Variants in MTSS1 observed in about 807,000 individuals in gnomAD.
MTSS1 encodes the protein protein MTSS 1.
MTSS1 carries 18 observed loss-of-function variants against 79.0 expected under a neutral mutation model. The ratio of observed to expected loss-of-function variants is 0.23; its 90% CI spans 0.16 to 0.34. The LOEUF (loss-of-function observed/expected upper bound fraction) is 0.34, where lower values mean the gene tolerates loss of function less well. MTSS1 is among the 10% of genes least tolerant of loss of function. The pLI, the probability that MTSS1 is intolerant of heterozygous loss-of-function variation, is 1.00. For missense variants in MTSS1, 815 were observed against 986.2 expected, an observed-to-expected ratio of 0.83 and a Z score of 2.33; for synonymous variants, 341 against 368.6, an observed-to-expected ratio of 0.93 and a Z score of 0.86.
At chr8:124,693,430 A>G (rs1828279587) in intron 3 of MTSS1, among the ~76,000 whole-genome samples, 1 of 152,178 alleles carries the variant, frequency 6.6e-6, no homozygotes, top group Non-Finnish European at 1.5e-5. Context: ...TCTGTCCCTT[A>G]AAGTGAACTT....
rs1244000809 is a variant in MTSS1 at position 124,649,208 on chromosome 8, C to T, written c.208+50318G>A. On this transcript the variant is annotated intron_variant, in intron 3 of 13. Transcript: ENST00000518547. The stretch of plus-strand genomic sequence containing the variant: ...TCTGTTTATCTATTATCTAGGGCTG[C>T]TTTTGCTCTACAATGGGAGTGTTGA... Among the ~76,000 whole-genome samples the T allele has an allele frequency of 3.3e-5, 5 of 152,232 alleles. No individual in the cohort carries two copies. In the East Asian group the frequency reaches 7.7e-4, roughly 23 times the overall value.
At chr8:124,695,089 T>C (rs1828577573) in intron 3 of MTSS1, among the ~76,000 whole-genome samples, 1 of 152,208 alleles carries the variant, frequency 6.6e-6, no homozygotes, top group African/African-American at 2.4e-5. Context: ...AACAACTAGA[T>C]TGATTTTGCT....
At chr8:124,703,446 C>G (rs1829982412) in intron 2 of MTSS1, among the ~76,000 whole-genome samples, 1 of 152,192 alleles carries the variant, frequency 6.6e-6, no homozygotes, top group Non-Finnish European at 1.5e-5. Context: ...GCACTCGTCA[C>G]CATGCCCAGC....
At chr8:124,602,821 T>C (rs1834164004) in intron 3 of MTSS1, among the ~76,000 whole-genome samples, 1 of 152,186 alleles carries the variant, frequency 6.6e-6, no homozygotes, top group South Asian at 2.1e-4. Context: ...GAAAGGACAG[T>C]GTTCCTGTAG....
chr8:124,649,738 G>A (rs181660940), intron 3 of MTSS1, among the ~76,000 whole-genome samples: 3 of 152,178 alleles, frequency 2.0e-5, no homozygotes, highest in South Asian at 2.1e-4. Context: ...GACTCAGCAC[G>A]ACAACCAAAA....
chr8:124,587,264 G>A (rs1344624615), intron 5 of MTSS1, among the ~76,000 whole-genome samples: 1 of 152,132 alleles, frequency 6.6e-6, no homozygotes, highest in East Asian at 1.9e-4. Flanking sequence ...AATGAGCCAA[G>A]TCAGCCAACA....
At chr8:124,583,789 C>T (rs548498636) in intron 6 of MTSS1, among the ~76,000 whole-genome samples, 5 of 152,338 alleles carry the variant, frequency 3.3e-5, no homozygotes, top group African/African-American at 1.2e-4. Flanking sequence ...CCAGCCTGCT[C>T]TCTTCCGGGC....
At chr8:124,722,407 A>C (rs73345901) in intron 1 of MTSS1, among the ~76,000 whole-genome samples, 200 of 152,280 alleles carry the variant, frequency 1.3e-3, no homozygotes, top group African/African-American at 4.6e-3. Flanking sequence ...AGGTGTTGAG[A>C]CGGGGACTGC....
At chr8:124,643,029 G>A (rs1038702079) in intron 3 of MTSS1, among the ~76,000 whole-genome samples, 1 of 152,166 alleles carries the variant, frequency 6.6e-6, no homozygotes, top group Non-Finnish European at 1.5e-5. Flanking sequence ...TCAATCCATG[G>A]TAGCTGCTAT....
chr8:124,577,570 T>C (rs199914413), intron 6 of MTSS1: 4 of 518,848 alleles, frequency 7.7e-6, no homozygotes, highest in Non-Finnish European at 1.5e-5. Flanking sequence ...TTCAGACATC[T>C]ATGGATTCAG....
intron 7 of MTSS1, chr8:124,567,839 A>G (rs2132079401): frequency 6.7e-7 from 1 of 1,493,640 alleles, no homozygotes. Flanking sequence ...CCTTCGAATC[A>G]GCTTCCAGAA....
chr8:124,608,557 G>A (rs952352900), intron 3 of MTSS1, among the ~76,000 whole-genome samples: 3 of 152,222 alleles, frequency 2.0e-5, no homozygotes, highest in East Asian at 3.8e-4. Context: ...CAGTGGGCCT[G>A]AGTGTTCCTT....
intron 1 of MTSS1, among the ~76,000 whole-genome samples, chr8:124,723,248 T>G (rs1314711635): frequency 1.3e-5 from 2 of 152,226 alleles, no homozygotes; most frequent in Non-Finnish European, 2.9e-5. Flanking sequence ...GAAATCATTA[T>G]GCCACGTTTG....
intron 3 of MTSS1, among the ~76,000 whole-genome samples, chr8:124,594,380 A>T (rs566701384): frequency 6.6e-6 from 1 of 152,068 alleles, no homozygotes; most frequent in African/African-American, 2.4e-5. Flanking sequence ...AAAATACAAA[A>T]ATCAGCCAGG....
At position 124,555,772 on chromosome 8, in the gene MTSS1, A is replaced by T; in HGVS notation, c.1537T>A (p.Cys513Ser). Residue 513 changes from cysteine to serine, a missense_variant, in exon 13 of 14, where the codon TGC becomes AGC. By Grantham distance (112) the Cys-to-Ser change is moderately radical. This residue lies in a region of MTSS1 where 590 missense variants were observed against 620.8 expected (regional missense o/e 0.95). Transcript: ENST00000518547. Reference protein sequence around the residue: ...SGYSTQTTTPCCSEDTIPSQV... With the variant: ...SGYSTQTTTPSCSEDTIPSQV... ...GAAGGGATGGTGTCCTCAGAGCAGC[A>T]GGGGGTGGTTGTCTGGGTGCTGTAG... 1 of 1,612,992 alleles carries T rather than the reference A, an allele frequency of 6.2e-7. No individual in the cohort carries two copies. Among genetic ancestry groups the T allele is most frequent in the African/African-American group, 1.3e-5 (1 of 75,032 alleles).
intron 3 of MTSS1, among the ~76,000 whole-genome samples, chr8:124,643,698 CAAAAAAAAAAAAAA>C (rs11323836): frequency 4.3e-4 from 29 of 66,924 alleles, no homozygotes; most frequent in African/African-American, 1.7e-3. Flanking sequence ...AATTCCGTCT[CAAAAAAAAAAAAAA>C]AAAAAAAAAA....
chr8:124,588,871 C>T (rs1308301480), intron 5 of MTSS1, among the ~76,000 whole-genome samples: 2 of 151,660 alleles, frequency 1.3e-5, no homozygotes, highest in Admixed American at 1.3e-4. Flanking sequence ...TGCACCACCA[C>T]ACCTGGATAC....
intron 1 of MTSS1, among the ~76,000 whole-genome samples, chr8:124,715,702 CT>C (rs965826649): frequency 2.6e-5 from 4 of 151,920 alleles, no homozygotes; most frequent in Non-Finnish European, 5.9e-5. Context: ...TTTTAAGTGT[CT>C]TTCCATTGAA....
chr8:124,676,169 G>C (rs191972442), intron 3 of MTSS1, among the ~76,000 whole-genome samples: 10 of 152,290 alleles, frequency 6.6e-5, no homozygotes, highest in African/African-American at 2.4e-4. Context: ...AAAAGGTATT[G>C]ATTAATAATT....
Sources: allele counts gnomAD v4.1 joint callset (sites outside exome capture counted in the v4.1 genomes callset), GRCh38; gene constraint gnomAD v4.1.1; regional missense constraint gnomAD v4.1.1; transcripts MANE v1.5; gene names NCBI Gene and HGNC (gene_info 2026-07-23, HGNC 2026-07-21).